Variants in TOR1AIP1 observed in about 807,000 individuals in gnomAD.
The protein encoded by TOR1AIP1 is torsin 1A interacting protein 1, also known as torsin-1A-interacting protein 1.
In TOR1AIP1, 54 loss-of-function variants were observed where a neutral mutation model predicts 63.3. That is an observed-to-expected ratio of 0.85 (90% CI 0.69 to 1.07). The LOEUF (loss-of-function observed/expected upper bound fraction) is 1.07. Ranked by LOEUF, TOR1AIP1 falls within the 50% of genes least tolerant of loss-of-function variation. The pLI is 0.00. For synonymous variants in TOR1AIP1, 294 were observed against 273.5 expected, an observed-to-expected ratio of 1.07 and a Z score of -0.74; for missense variants, 736 against 715.0, an observed-to-expected ratio of 1.03 and a Z score of -0.33.
intron 4 of TOR1AIP1, 120 bp from the exon 5 acceptor site, chr1:179,901,182 T>A: frequency 3.6e-6 from 2 of 552,786 alleles, no homozygotes; most frequent in Non-Finnish European, 6.1e-6. Flanking sequence ...AAACAGTAGT[T>A]CTATATCTGA....
intron 3 of TOR1AIP1, among the ~76,000 whole-genome samples, chr1:179,898,029 G>A (rs1648339245): frequency 6.6e-6 from 1 of 152,092 alleles, no homozygotes; most frequent in African/African-American, 2.4e-5. Context: ...TTGAGCCTGG[G>A]AGGGAGGGGT....
At chr1:179,902,714 G>A (rs1648507096) in intron 5 of TOR1AIP1, among the ~76,000 whole-genome samples, 1 of 152,108 alleles carries the variant, frequency 6.6e-6, no homozygotes, top group Non-Finnish European at 1.5e-5. Flanking sequence ...TTTGCCTTTA[G>A]AGAGTTATTT....
chr1:179,896,830 G>A (rs576723), intron 3 of TOR1AIP1, among the ~76,000 whole-genome samples: 141,990 of 152,262 alleles, frequency 0.93, 66,301 homozygotes, highest in Middle Eastern at 0.97. Flanking sequence ...TATCTGAGAC[G>A]TTAAATAATG....
Position 179,882,401 on chromosome 1 carries a change from G to T in TOR1AIP1, c.-102G>T. On this transcript the variant is annotated 5_prime_UTR_variant, in exon 1 of 10. Coordinates refer to ENST00000606911, the MANE Select transcript of TOR1AIP1 (RefSeq NM_015602.4). The stretch of plus-strand genomic sequence containing the variant: ...TCGCAACTGCCTCCCTGACCACAGC[G>T]GCCACCGCCCAACACCCCCGAGAAG... 2.5e-6 allele frequency: 3 copies of T among 1,215,728 alleles called. No homozygotes were observed. The highest frequency in any genetic ancestry group is 3.2e-6 in the Non-Finnish European group (3 of 929,884). 75.3% of individuals were successfully genotyped at this position (1,215,728 alleles called of 1,614,324 possible).
At chr1:179,904,154 T>C (rs1344042807) in intron 6 of TOR1AIP1, 132 bp downstream of exon 6, 7 of 630,150 alleles carry the variant, frequency 1.1e-5, no homozygotes, top group South Asian at 2.4e-5. Flanking sequence ...AAAAAACTTA[T>C]CCGATATCTC....
intron 5 of TOR1AIP1, 49 bp downstream of exon 5, chr1:179,901,437 G>T: frequency 1.7e-6 from 2 of 1,172,834 alleles, no homozygotes; most frequent in South Asian, 2.1e-5. Context: ...ACTATCTTTG[G>T]TATTCCATGA....
At chr1:179,910,605 A>G (rs1466235890) in intron 8 of TOR1AIP1, among the ~76,000 whole-genome samples, 1 of 152,254 alleles carries the variant, frequency 6.6e-6, no homozygotes, top group Non-Finnish European at 1.5e-5. Context: ...CTGACCTATT[A>G]TAGTTAGGAA....
Position 179,917,752 on chromosome 1 carries a change from T to A in TOR1AIP1, c.1265T>A (p.Leu422His). The change falls in exon 10 of 10, where the codon CTT (leucine) becomes CAT (histidine). Residue 422 changes from leucine (L) to histidine (H), a missense_variant. Physicochemically the swap from Leu to His is moderately conservative, Grantham distance 99. Around this residue, in one of 2 missense-constraint regions of TOR1AIP1, gnomAD observed 272 missense variants for 344.1 expected, o/e 0.79. Coordinates refer to ENST00000606911, the MANE Select transcript of TOR1AIP1 (RefSeq NM_015602.4). ...GCTGCCCGAGATGCTGAAGAAGCAC[T>A]TAGGTGTCTGAGTGAACAAATTGCT... ...LTAARDAEEA[L>H]RCLSEQIADA... 6.2e-7 allele frequency: 1 copy of A among 1,614,208 alleles called. No homozygotes were observed. The highest frequency in any genetic ancestry group is 8.5e-7 in the Non-Finnish European group (1 of 1,180,032).
intron 7 of TOR1AIP1, among the ~76,000 whole-genome samples, 186 bp downstream of exon 7, chr1:179,908,050 A>G (rs972641440): frequency 4.0e-5 from 6 of 151,062 alleles, no homozygotes; most frequent in African/African-American, 9.7e-5. Context: ...CTGGGACTAC[A>G]GGCGCCCGCC....
At chr1:179,909,468 T>C (rs1648762234) in intron 8 of TOR1AIP1, among the ~76,000 whole-genome samples, 1 of 152,038 alleles carries the variant, frequency 6.6e-6, no homozygotes, top group Non-Finnish European at 1.5e-5. Context: ...TGGAGTACAG[T>C]GGTGCAACCT....
At position 179,919,362 on chromosome 1, in the gene TOR1AIP1, C is replaced by T. The variant is rs1649122469; in HGVS notation, c.*1123C>T. On this transcript the variant is annotated 3_prime_UTR_variant, in exon 10 of 10. Transcript: ENST00000606911. Reference sequence around the variant, plus strand: ...GAAATGAGTTTCAGGAATTGACAAACCATTTGTTAACCAGCTGTCCTGGGC... The same window carrying T: ...GAAATGAGTTTCAGGAATTGACAAATCATTTGTTAACCAGCTGTCCTGGGC... The T allele has an allele frequency of 6.6e-6, 1 of 152,094 alleles. No individual in the cohort carries two copies. Among genetic ancestry groups the T allele is most frequent in the African/African-American group, 2.4e-5 (1 of 41,422 alleles). The allele number at this position is 152,094 out of a possible 1,614,324, so 9.4% of individuals were successfully genotyped here.
At chr1:179,910,575 C>T (rs1207945522) in intron 8 of TOR1AIP1, among the ~76,000 whole-genome samples, 1 of 152,178 alleles carries the variant, frequency 6.6e-6, no homozygotes, top group African/African-American at 2.4e-5. Flanking sequence ...AAAACCATTT[C>T]CTCTTATAAT....
intron 3 of TOR1AIP1, among the ~76,000 whole-genome samples, chr1:179,899,012 A>T (rs950889756): frequency 2.0e-5 from 3 of 152,132 alleles, no homozygotes; most frequent in African/African-American, 7.2e-5. Context: ...GACTAGTATT[A>T]TACTAATCTA....
rs1194088032 is a variant in TOR1AIP1, at chr1:179,918,473, T to C, written c.*234T>C. On this transcript the variant is annotated 3_prime_UTR_variant, in exon 10 of 10. Coordinates refer to ENST00000606911, the MANE Select transcript of TOR1AIP1 (RefSeq NM_015602.4). ...TTAAAGGTATCTTAGGAGTGCAGATTATATGCAGTTCCTTAGAGAATCTGT... is the reference window on the plus strand; with the variant it reads ...TTAAAGGTATCTTAGGAGTGCAGATCATATGCAGTTCCTTAGAGAATCTGT... 6.2e-6 allele frequency: 3 copies of C among 481,330 alleles called. No homozygotes were observed. The highest frequency in any genetic ancestry group is 3.9e-5 in the African/African-American group (2 of 51,042). The allele number at this position is 481,330 out of a possible 1,614,324, so 29.8% of individuals were successfully genotyped here.
intron 2 of TOR1AIP1, among the ~76,000 whole-genome samples, chr1:179,887,233 T>A (rs1376723030): frequency 6.6e-6 from 1 of 152,122 alleles, no homozygotes; most frequent in African/African-American, 2.4e-5. Context: ...ACCCCATCTC[T>A]ACTAAAAATA....
intron 7 of TOR1AIP1, among the ~76,000 whole-genome samples, chr1:179,908,231 C>T (rs1172803811): frequency 6.6e-6 from 1 of 151,994 alleles, no homozygotes; most frequent in Non-Finnish European, 1.5e-5. Context: ...TCTAACCTTG[C>T]CTTATTCTCC....
chr1:179,883,574 C>G (rs1446112000), intron 1 of TOR1AIP1: 2 of 455,736 alleles, frequency 4.4e-6, no homozygotes, highest in South Asian at 3.1e-5. Context: ...ACTGATGTTC[C>G]CCAGTGTTTG....
At chr1:179,901,906 C>A (rs550835134) in intron 5 of TOR1AIP1, among the ~76,000 whole-genome samples, 1 of 151,766 alleles carries the variant, frequency 6.6e-6, no homozygotes, top group Admixed American at 6.6e-5. Flanking sequence ...ACCCTCCCCC[C>A]CAAAAAAGAT....
At chr1:179,884,874 C>A in intron 2 of TOR1AIP1, 105 bp downstream of exon 2, 3 of 805,838 alleles carry the variant, frequency 3.7e-6, no homozygotes, top group East Asian at 2.9e-5. Flanking sequence ...AGGGCAGACA[C>A]GTGAGTACTC....
Sources: gnomAD v4.1 joint callset for allele counts (sites outside exome capture counted in the v4.1 genomes callset) on GRCh38, gnomAD v4.1.1 for gene constraint, gnomAD v4.1.1 regional missense constraint, MANE v1.5 for transcripts, NCBI Gene and HGNC (gene_info 2026-07-23, HGNC 2026-07-21) for gene names.